Variants in MEGF6 observed in about 807,000 individuals in gnomAD.
MEGF6 encodes the protein multiple EGF like domains 6.
MEGF6 carries 184 observed loss-of-function variants against 207.1 expected under a neutral mutation model. The ratio of observed to expected loss-of-function variants is 0.89; its 90% confidence interval spans 0.79 to 1.00. The LOEUF is 1.00. Among genes scored for constraint, MEGF6 ranks in the 50% least tolerant of loss-of-function variants. MEGF6 has a pLI of 0.00. For synonymous variants in MEGF6, 1,038 were observed against 910.0 expected (o/e 1.14, Z -2.53); for missense variants, 2,282 against 2,202.9 (o/e 1.04, Z -0.72).
At position 3,490,383 on chromosome 1, in the gene MEGF6, G is replaced by T; in HGVS notation, c.*145C>A. The T allele has an allele frequency of 1.2e-6, 1 of 869,198 alleles. No homozygotes were observed. Among genetic ancestry groups the T allele is most frequent in the Non-Finnish European group, 1.8e-6 (1 of 564,898 alleles). 53.8% of individuals were successfully genotyped at this position (869,198 alleles called of 1,614,324 possible). ...CAGCCTCCAAGAGCGACAGGTTGCT[G>T]GGCTGTCCACAGCCCTCCACGGCCC... is the stretch of plus-strand genomic sequence containing the variant. On this transcript the variant is annotated 3_prime_UTR_variant, in exon 37 of 37. Transcript: ENST00000356575.
intron 5 of MEGF6, among the ~76,000 whole-genome samples, chr1:3,521,153 G>C (rs1424523099): frequency 6.6e-6 from 1 of 152,140 alleles, no homozygotes; most frequent in African/African-American, 2.4e-5. Flanking sequence ...CTGGGGGAGG[G>C]GCTCCACGGC....
rs1158702412 is a variant in MEGF6 at position 3,507,839 on chromosome 1, G to T, written c.1745C>A (p.Ala582Asp). 6 of 1,612,622 alleles carry T rather than the reference G, an allele frequency of 3.7e-6. No homozygotes were observed. The African/African-American group carries it at 8.0e-5, about 22-fold the overall frequency. ...NGGTCDSVTGACRCPPGVSGT... is the reference protein window; with the variant it reads ...NGGTCDSVTGDCRCPPGVSGT... Reference sequence around the variant, plus strand: ...ACTGACACCCGGGGGGCAGCGGCAGGCCCCCGTGACAGAGTCGCAGGTCCC... The same window carrying T: ...ACTGACACCCGGGGGGCAGCGGCAGTCCCCCGTGACAGAGTCGCAGGTCCC... Residue 582 changes from alanine (A) to aspartate (D), a missense_variant, in exon 14 of 37, where the codon GCC becomes GAC. Coordinates refer to ENST00000356575, the MANE Select transcript of MEGF6 (RefSeq NM_001409.4).
At chr1:3,601,312 G>T (rs1007446205) in intron 2 of MEGF6, among the ~76,000 whole-genome samples, 1 of 152,258 alleles carries the variant, frequency 6.6e-6, no homozygotes, top group Non-Finnish European at 1.5e-5. Context: ...ACAAATTCCC[G>T]CAGGGAAATC....
intron 7 of MEGF6, among the ~76,000 whole-genome samples, chr1:3,513,102 G>A (rs1641412139): frequency 6.6e-6 from 1 of 152,238 alleles, no homozygotes; most frequent in Non-Finnish European, 1.5e-5. Context: ...AACAGCCCCA[G>A]TGAAGCAGCA....
chr1:3,561,698 C>A (rs753495665), intron 4 of MEGF6, among the ~76,000 whole-genome samples: 1 of 152,198 alleles, frequency 6.6e-6, no homozygotes, highest in African/African-American at 2.4e-5. Flanking sequence ...CTTCCAGAAA[C>A]GCAGAAGCAG....
At chr1:3,518,767 C>T (rs185303847) in intron 5 of MEGF6, among the ~76,000 whole-genome samples, 42 of 152,360 alleles carry the variant, frequency 2.8e-4, no homozygotes, top group African/African-American at 7.5e-4. Flanking sequence ...TCTCCTGCCA[C>T]GTGTGGTCAG....
intron 4 of MEGF6, among the ~76,000 whole-genome samples, chr1:3,533,078 C>T (rs1642226314): frequency 6.6e-6 from 1 of 152,230 alleles, no homozygotes; most frequent in South Asian, 2.1e-4. Context: ...CACCTGCTGG[C>T]CGAGACCCAC....
intron 4 of MEGF6, among the ~76,000 whole-genome samples, chr1:3,537,300 G>A (rs1199717150): frequency 6.6e-6 from 1 of 152,254 alleles, no homozygotes; most frequent in Non-Finnish European, 1.5e-5. Flanking sequence ...GAAACAGGGG[G>A]AAGGAGCTAA....
chr1:3,589,381 G>A (rs1158698748), intron 3 of MEGF6, among the ~76,000 whole-genome samples: 1 of 150,784 alleles, frequency 6.6e-6, no homozygotes, highest in Non-Finnish European at 1.5e-5. Context: ...CCCACCCCAC[G>A]CCCGTCCCAT....
Position 3,526,244 on chromosome 1 carries a change from G to T in MEGF6, c.482-1998C>A, listed in dbSNP as rs531874552. On this transcript the variant is annotated intron_variant, in intron 4 of 36. Transcript: ENST00000356575. ...CGGCCAGAGAGGCCAAGGCTAACATGAGGGAGAGACCACACGGGCCACATG... is the reference window on the plus strand; with the variant it reads ...CGGCCAGAGAGGCCAAGGCTAACATTAGGGAGAGACCACACGGGCCACATG... Among the ~76,000 whole-genome samples, 9 of 152,332 alleles carry T rather than the reference G, an allele frequency of 5.9e-5. No homozygotes were observed. The East Asian group carries it at 1.5e-3, about 26-fold the overall frequency.
At position 3,599,016 on chromosome 1, in the gene MEGF6, C is replaced by A. The variant is rs368263012; in HGVS notation, c.266+3450G>T. Among the ~76,000 whole-genome samples, 142 of 152,312 alleles carry A rather than the reference C, an allele frequency of 9.3e-4. 1 individual carries two copies. The highest frequency in any genetic ancestry group is 5.8e-3 in the South Asian group (28 of 4,830). The stretch of plus-strand genomic sequence containing the variant: ...ACTCACAGCCTCACCTACTCTGGGC[C>A]GGGCCGGGCTGGAGCACCCATCACC... On this transcript the variant is annotated intron_variant, in intron 2 of 36. Coordinates refer to ENST00000356575, the MANE Select transcript of MEGF6 (RefSeq NM_001409.4).
chr1:3,586,162 CAT>C (rs1335437271), intron 3 of MEGF6, among the ~76,000 whole-genome samples: 2 of 149,162 alleles, frequency 1.3e-5, no homozygotes, highest in South Asian at 2.1e-4. Context: ...TGTGAGGACA[CAT>C]GTCCTGTGTG....
upstream of MEGF6, among the ~76,000 whole-genome samples, chr1:3,616,191 T>G (rs1358641789): frequency 1.3e-5 from 2 of 152,166 alleles, no homozygotes; most frequent in Non-Finnish European, 2.9e-5. Flanking sequence ...AGCCTGACTT[T>G]AATCCTTCCA....
At chr1:3,518,301 T>C (rs1641618859) in intron 5 of MEGF6, among the ~76,000 whole-genome samples, 1 of 152,214 alleles carries the variant, frequency 6.6e-6, no homozygotes, top group East Asian at 1.9e-4. Context: ...CTCCCCAGTT[T>C]GCCAATTCTA....
intron 4 of MEGF6, among the ~76,000 whole-genome samples, chr1:3,528,601 AG>A (rs1459705989): frequency 6.6e-6 from 1 of 152,170 alleles, no homozygotes; most frequent in East Asian, 1.9e-4. Context: ...ACATGATCAC[AG>A]GGTCCTTATA....
At chr1:3,606,865 T>C (rs1012813877) in intron 1 of MEGF6, among the ~76,000 whole-genome samples, 1 of 152,140 alleles carries the variant, frequency 6.6e-6, no homozygotes, top group African/African-American at 2.4e-5. Context: ...GCCCCTGTGC[T>C]GAGGGCAGCC....
At chr1:3,492,067 CAGGA>C (rs1640396244) in intron 35 of MEGF6, among the ~76,000 whole-genome samples, 1 of 152,130 alleles carries the variant, frequency 6.6e-6, no homozygotes, top group South Asian at 2.1e-4. Context: ...GCTGCCTGTG[CAGGA>C]CTGCGTGCGT....
chr1:3,507,660 T>C lies in MEGF6; in HGVS notation c.1789+135A>G. 3.5e-6 allele frequency: 4 copies of C among 1,146,156 alleles called. No homozygotes were observed. The South Asian group carries it at 5.2e-5, about 15-fold the overall frequency. The allele number at this position is 1,146,156 out of a possible 1,614,324, so 71.0% of individuals were successfully genotyped here. ...ACAGGGAGGCAGGAAGGAAAGGGAG[T>C]CTAGGAAAAGTTTGGTAGCAGTTTC... is the stretch of plus-strand genomic sequence containing the variant. On this transcript the variant is annotated intron_variant, in intron 14 of 36. Coordinates refer to ENST00000356575, the MANE Select transcript of MEGF6 (RefSeq NM_001409.4).
intron 4 of MEGF6, among the ~76,000 whole-genome samples, chr1:3,541,812 G>A (rs1642532727): frequency 6.6e-6 from 1 of 152,058 alleles, no homozygotes; most frequent in African/African-American, 2.4e-5. Context: ...CCGGGCACAG[G>A]GGCTCCCTGG....
Sources: allele counts gnomAD v4.1 joint callset (sites outside exome capture counted in the v4.1 genomes callset), GRCh38; gene constraint gnomAD v4.1.1; transcripts MANE v1.5; gene names NCBI Gene and HGNC (gene_info 2026-07-23, HGNC 2026-07-21).